ADAMTSL1: variants seen among roughly 807,000 people sequenced by gnomAD.
ADAMTSL1 encodes ADAMTS like 1.
Under a neutral mutation model 201.8 loss-of-function variants are expected in ADAMTSL1, and 126 were observed. The observed-to-expected ratio is 0.62, with a 90% CI of 0.54 to 0.72. The LOEUF (loss-of-function observed/expected upper bound fraction) is 0.72. Ranked by LOEUF, ADAMTSL1 falls within the 30% of genes least tolerant of loss-of-function variation. The pLI is 0.00. For missense variants in ADAMTSL1, 2,679 were observed against 2,277.8 expected, an observed-to-expected ratio of 1.18 and a Z score of -3.59; for synonymous variants, 1,121 against 903.4, an observed-to-expected ratio of 1.24 and a Z score of -4.32.
intron 13 of ADAMTSL1, among the ~76,000 whole-genome samples, chr9:18,698,007 G>A (rs1030370732): frequency 7.2e-5 from 11 of 152,110 alleles, no homozygotes; most frequent in African/African-American, 2.4e-4. Context: ...CTATTAAATG[G>A]TAATAATAAT....
At chr9:18,777,938 G>A (rs1457017900) in intron 19 of ADAMTSL1, 32 bp downstream of exon 19, 1 of 1,516,374 alleles carries the variant, frequency 6.6e-7, no homozygotes, top group Non-Finnish European at 8.8e-7. Flanking sequence ...GTCTTGGGAG[G>A]GAGGCAAGGG....
intron 2 of ADAMTSL1, among the ~76,000 whole-genome samples, chr9:18,209,104 G>C (rs928968690): frequency 2.0e-5 from 3 of 152,132 alleles, no homozygotes; most frequent in African/African-American, 7.2e-5. Context: ...GTGTGTGTCT[G>C]CGTGTTGTGA....
chr9:18,510,059 C>T (rs1193909634), intron 2 of ADAMTSL1, among the ~76,000 whole-genome samples: 4 of 152,128 alleles, frequency 2.6e-5, no homozygotes, highest in Non-Finnish European at 5.9e-5. Flanking sequence ...ATATTGAGTC[C>T]AAATAAATCC....
intron 23 of ADAMTSL1, among the ~76,000 whole-genome samples, chr9:18,861,084 A>G (rs1431462610): frequency 1.3e-5 from 2 of 152,240 alleles, no homozygotes; most frequent in East Asian, 3.8e-4. Flanking sequence ...CTCGTTATAC[A>G]GAGATCATAT....
chr9:18,187,240 A>G (rs1245523104), intron 2 of ADAMTSL1, among the ~76,000 whole-genome samples: 1 of 152,108 alleles, frequency 6.6e-6, no homozygotes, highest in African/African-American at 2.4e-5. Context: ...ACTACTCTCC[A>G]TGGAGTACAG....
chr9:18,836,458 G>C (rs1446536330), intron 23 of ADAMTSL1, among the ~76,000 whole-genome samples: 1 of 151,856 alleles, frequency 6.6e-6, no homozygotes, highest in Non-Finnish European at 1.5e-5. Flanking sequence ...TCAATTTTTT[G>C]CTTTGTTTCA....
chr9:18,688,509 C>G (rs1342593269), intron 13 of ADAMTSL1, among the ~76,000 whole-genome samples: 1 of 149,366 alleles, frequency 6.7e-6, no homozygotes, highest in African/African-American at 2.5e-5. Context: ...TCTACTAAAA[C>G]TCAGAAAACT....
intron 2 of ADAMTSL1, among the ~76,000 whole-genome samples, chr9:18,278,296 A>G (rs575720999): frequency 1.3e-5 from 2 of 152,268 alleles, no homozygotes; most frequent in African/African-American, 2.4e-5. Context: ...GTTTCGTTTT[A>G]ACTTGAATAA....
chr9:18,105,865 G>T (rs918499620), intron 1 of ADAMTSL1, among the ~76,000 whole-genome samples: 3 of 152,070 alleles, frequency 2.0e-5, no homozygotes, highest in African/African-American at 7.2e-5. Context: ...AAAAACACAG[G>T]CCCACTGCAC....
At chr9:18,358,305 G>A (rs111477316) in intron 2 of ADAMTSL1, among the ~76,000 whole-genome samples, 1 of 152,088 alleles carries the variant, frequency 6.6e-6, no homozygotes, top group African/African-American at 2.4e-5. Context: ...TTATTTTTCT[G>A]TTCTTTGCTC....
At chr9:18,498,538 A>G (rs1822654571) in intron 1 of ADAMTSL1, among the ~76,000 whole-genome samples, 1 of 152,082 alleles carries the variant, frequency 6.6e-6, no homozygotes, top group Admixed American at 6.6e-5. Context: ...GGGTTTAACC[A>G]TGTTGGTCAG....
intron 2 of ADAMTSL1, among the ~76,000 whole-genome samples, chr9:18,420,017 C>T (rs189103085): frequency 4.2e-4 from 64 of 152,206 alleles, no homozygotes; most frequent in Middle Eastern, 6.8e-3. Flanking sequence ...TGTGAGCCAC[C>T]GTGCCTGGCC....
intron 2 of ADAMTSL1, among the ~76,000 whole-genome samples, chr9:18,417,931 T>A (rs529424137): frequency 4.2e-4 from 64 of 152,206 alleles, no homozygotes; most frequent in African/African-American, 1.5e-3. Context: ...AATAACACTA[T>A]AGAGCACAAA....
In ADAMTSL1 at chr9:18,635,798, AT is replaced by A. The variant is rs745958140; in HGVS notation, c.602-142del. On this transcript the variant is annotated intron_variant, in intron 5 of 28. Coordinates refer to ENST00000380548, the MANE Select transcript of ADAMTSL1 (RefSeq NM_001040272.6). ...TATTTTGAGCAAAGTGAAAATGTTG[AT>A]TTCTAAATATTGGCCTTCACATTTC... 1.3e-5 allele frequency: 8 copies of A among 613,744 alleles called. No individual in the cohort carries two copies. The East Asian group carries it at 2.0e-4, about 15-fold the overall frequency. 38.0% of individuals were successfully genotyped at this position (613,744 alleles called of 1,614,324 possible). A position where few individuals can be genotyped will look rare whatever the true frequency, so the allele number is the denominator to read the frequency against.
At chr9:18,475,385 T>C (rs1051157741) in intron 1 of ADAMTSL1, among the ~76,000 whole-genome samples, 1 of 152,164 alleles carries the variant, frequency 6.6e-6, no homozygotes, top group Non-Finnish European at 1.5e-5. Context: ...AAGAAAGCCA[T>C]TTGGTACAAA....
Position 18,910,727 on chromosome 9 carries a change from G to A in ADAMTSL1, c.*2179G>A, listed in dbSNP as rs1270045584. Reference sequence around the variant, plus strand: ...AGCTCCATGTTGGGTTGGAGCAGTTGGCAGTGGGTCTCAGTGAGCTGGCAG... The same window carrying A: ...AGCTCCATGTTGGGTTGGAGCAGTTAGCAGTGGGTCTCAGTGAGCTGGCAG... On this transcript the variant is annotated 3_prime_UTR_variant, in exon 29 of 29. Coordinates refer to ENST00000380548, the MANE Select transcript of ADAMTSL1 (RefSeq NM_001040272.6). The A allele has an allele frequency of 2.0e-5, 3 of 152,198 alleles. No homozygotes were observed. The highest frequency in any genetic ancestry group is 2.9e-5 in the Non-Finnish European group (2 of 68,034). 9.4% of individuals were successfully genotyped at this position (152,198 alleles called of 1,614,324 possible).
At chr9:18,358,941 AG>A (rs1836377298) in intron 2 of ADAMTSL1, among the ~76,000 whole-genome samples, 1 of 152,174 alleles carries the variant, frequency 6.6e-6, no homozygotes. Context: ...AATTTTCTAT[AG>A]CAGACATTCA....
intron 15 of ADAMTSL1, among the ~76,000 whole-genome samples, chr9:18,742,044 A>G (rs1012503355): frequency 6.6e-6 from 1 of 152,104 alleles, no homozygotes; most frequent in African/African-American, 2.4e-5. Context: ...ACGCATAGCC[A>G]TCTTCCCCTC....
At chr9:18,171,955 GT>G (rs1474118894) in intron 2 of ADAMTSL1, among the ~76,000 whole-genome samples, 1 of 151,930 alleles carries the variant, frequency 6.6e-6, no homozygotes, top group East Asian at 1.9e-4. Flanking sequence ...CCCATTTCTT[GT>G]TTTTTCACGT....
Sources: gnomAD v4.1 joint callset for allele counts (sites outside exome capture counted in the v4.1 genomes callset) on GRCh38, gnomAD v4.1.1 for gene constraint, MANE v1.5 for transcripts, NCBI Gene and HGNC (gene_info 2026-07-23, HGNC 2026-07-21) for gene names.